Variants in ATOSA observed in about 807,000 individuals in gnomAD.
The protein encoded by ATOSA is atos homolog A, also known as atos homolog protein A.
At chr15:52,618,618 T>C in the ATOSA span, among the ~76,000 whole-genome samples, 1 of 152,150 alleles carries the variant, frequency 6.6e-6, no homozygotes, top group African/African-American at 2.4e-5. Context: ...AGTGGCTAAC[T>C]CTTGCAGTAG....
the ATOSA span, among the ~76,000 whole-genome samples, chr15:52,639,565 T>C: frequency 6.6e-6 from 1 of 152,228 alleles, no homozygotes; most frequent in Admixed American, 6.5e-5. Flanking sequence ...AGGTTTCTGT[T>C]TATAAAAGGT....
At chr15:52,587,039 G>T in the ATOSA span, 1 of 1,571,688 alleles carries the variant, frequency 6.4e-7, no homozygotes, top group Middle Eastern at 1.7e-4. Context: ...CAAAGCTGCA[G>T]CCCCACTGTT....
the ATOSA span, among the ~76,000 whole-genome samples, chr15:52,610,767 C>T: frequency 3.3e-5 from 5 of 152,214 alleles, no homozygotes; most frequent in African/African-American, 4.8e-5. Context: ...GCCTAAAAAG[C>T]CAGTTAGCTG....
At chr15:52,624,826 G>T in the ATOSA span, among the ~76,000 whole-genome samples, 1 of 147,738 alleles carries the variant, frequency 6.8e-6, no homozygotes, top group African/African-American at 2.5e-5. Flanking sequence ...CACCCAGGCT[G>T]GAGTGTGGTG....
chr15:52,674,323 T>A, the ATOSA span, among the ~76,000 whole-genome samples: 2 of 152,100 alleles, frequency 1.3e-5, no homozygotes, highest in Non-Finnish European at 2.9e-5. Context: ...AGTGCTGGGA[T>A]CACAGGCATG....
chr15:52,624,702 T>A, the ATOSA span, among the ~76,000 whole-genome samples: 3 of 152,196 alleles, frequency 2.0e-5, no homozygotes, highest in Non-Finnish European at 4.4e-5. Flanking sequence ...TACTAATGGG[T>A]TAAATTCCAC....
chr15:52,632,081 T>G, the ATOSA span, among the ~76,000 whole-genome samples: 1 of 152,304 alleles, frequency 6.6e-6, no homozygotes, highest in East Asian at 1.9e-4. Context: ...TAAATAAGTT[T>G]TCCTTCATTA....
the ATOSA span, chr15:52,582,312 A>G: frequency 1.9e-6 from 3 of 1,557,314 alleles, no homozygotes; most frequent in Non-Finnish European, 1.7e-6. Context: ...TGGAACCTAA[A>G]CAAATAAACA....
At chr15:52,614,700 C>G in the ATOSA span, among the ~76,000 whole-genome samples, 1 of 151,742 alleles carries the variant, frequency 6.6e-6, no homozygotes, top group Non-Finnish European at 1.5e-5. Context: ...ATACAAAAAT[C>G]AGCTGGGTGT....
At chr15:52,618,599 CT>C in the ATOSA span, among the ~76,000 whole-genome samples, 1 of 152,174 alleles carries the variant, frequency 6.6e-6, no homozygotes, top group Non-Finnish European at 1.5e-5. Flanking sequence ...TACAAAGCTC[CT>C]AGCAGGGAGT....
At chr15:52,600,812 A>G in the ATOSA span, among the ~76,000 whole-genome samples, 1 of 151,276 alleles carries the variant, frequency 6.6e-6, no homozygotes, top group African/African-American at 2.4e-5. Context: ...TTTTCCGTCA[A>G]AGAGTAAAAG....
At chr15:52,676,258 A>G in the ATOSA span, among the ~76,000 whole-genome samples, 1 of 152,222 alleles carries the variant, frequency 6.6e-6, no homozygotes, top group Admixed American at 6.5e-5. Flanking sequence ...AGTTTAAAAA[A>G]AAAAATGAAG....
the ATOSA span, among the ~76,000 whole-genome samples, chr15:52,624,638 A>T: frequency 6.6e-6 from 1 of 152,250 alleles, no homozygotes; most frequent in African/African-American, 2.4e-5. Flanking sequence ...CTCTATAGTT[A>T]TATCAACCTA....
the ATOSA span, chr15:52,587,293 A>C: frequency 9.0e-6 from 11 of 1,226,226 alleles, no homozygotes; most frequent in Non-Finnish European, 1.3e-5. Flanking sequence ...AGAATAACTC[A>C]TGTAATTTAT....
At chr15:52,675,234 A>T in the ATOSA span, among the ~76,000 whole-genome samples, 1 of 152,190 alleles carries the variant, frequency 6.6e-6, no homozygotes, top group African/African-American at 2.4e-5. Context: ...ATGCTATACC[A>T]TAACATCTTA....
the ATOSA span, among the ~76,000 whole-genome samples, chr15:52,687,590 G>A: frequency 6.6e-6 from 1 of 152,206 alleles, no homozygotes; most frequent in African/African-American, 2.4e-5. Flanking sequence ...CAGGCAAAGT[G>A]GGGTAGGATG....
chr15:52,706,938 G>A, the ATOSA span, among the ~76,000 whole-genome samples: 1 of 152,100 alleles, frequency 6.6e-6, no homozygotes, highest in Non-Finnish European at 1.5e-5. Flanking sequence ...TTTCTTTCTG[G>A]GGTGCTGAAA....
chr15:52,703,655 G>A, the ATOSA span, among the ~76,000 whole-genome samples: 1 of 150,370 alleles, frequency 6.7e-6, no homozygotes, highest in South Asian at 2.2e-4. Flanking sequence ...TAGGAGATTA[G>A]TTTAATAAAA....
At chr15:52,609,577 C>T in the ATOSA span, 80 of 1,613,068 alleles carry the variant, frequency 5.0e-5, no homozygotes, top group East Asian at 9.6e-4. Flanking sequence ...TGGTTTTAGT[C>T]GAATTTTCCC....
Sources: gnomAD v4.1 joint callset for allele counts (sites outside exome capture counted in the v4.1 genomes callset) on GRCh38, gnomAD v4.1.1 for gene constraint, MANE v1.5 for transcripts, NCBI Gene and HGNC (gene_info 2026-07-23, HGNC 2026-07-21) for gene names.